Variants in LARGE2 observed in about 807,000 individuals in gnomAD.
LARGE2 encodes the protein xylosyl- and glucuronyltransferase LARGE2.
In LARGE2, 63 loss-of-function variants were observed where a neutral mutation model predicts 75.3. The observed-to-expected ratio is 0.84, with a 90% CI of 0.68 to 1.03. The LOEUF (loss-of-function observed/expected upper bound fraction) is 1.03, where lower values mean the gene tolerates loss of function less well. LARGE2 is among the 50% of genes least tolerant of loss of function. The pLI is 0.00. For synonymous variants in LARGE2, 428 were observed against 420.1 expected, an observed-to-expected ratio of 1.02 and a Z score of -0.23; for missense variants, 925 against 980.6, an observed-to-expected ratio of 0.94 and a Z score of 0.76.
intron 4 of LARGE2, 31 bp from the exon 5 acceptor site, chr11:45,924,475 C>T (rs1195285304): frequency 5.6e-6 from 9 of 1,602,432 alleles, no homozygotes; most frequent in Non-Finnish European, 6.8e-6. Context: ...CCCCTCTCTG[C>T]CATCTCATCT....
In LARGE2 at chr11:45,928,959, G is replaced by T; in HGVS notation, c.*114G>T. 2 of 1,389,650 alleles carry T rather than the reference G, an allele frequency of 1.4e-6. No individual in the cohort carries two copies. The allele number at this position is 1,389,650 out of a possible 1,614,324, so 86.1% of individuals were successfully genotyped here. On this transcript the variant is annotated 3_prime_UTR_variant, in exon 14 of 14. Coordinates refer to ENST00000401752, the MANE Select transcript of LARGE2 (RefSeq NM_001300721.2). ...GGTCTCTGGGAAGGGCTGGGGCAGA[G>T]CATCTGTGGGGTGGGGTCTTCCCCT...
Position 45,924,895 on chromosome 11 carries a change from G to C in LARGE2, c.769+6G>C. On this transcript the variant is annotated splice_donor_region_variant and intron_variant, in intron 6 of 13. Coordinates refer to ENST00000401752, the MANE Select transcript of LARGE2 (RefSeq NM_001300721.2). The stretch of plus-strand genomic sequence containing the variant: ...GGGCCGGGGATTTAACACAGGTGGG[G>C]ACAGTGGTGAGGGGAGGCAGGCGGG... 1 of 1,453,410 alleles carries C rather than the reference G, an allele frequency of 6.9e-7. No individual in the cohort carries two copies. Among genetic ancestry groups the C allele is most frequent in the South Asian group, 1.5e-5 (1 of 67,962 alleles). The allele number at this position is 1,453,410 out of a possible 1,614,324, so 90.0% of individuals were successfully genotyped here.
intron 2 of LARGE2, 22 bp from the exon 3 acceptor site, chr11:45,923,451 C>A: frequency 6.2e-7 from 1 of 1,611,264 alleles, no homozygotes; most frequent in Non-Finnish European, 8.5e-7. Context: ...GGGCTGCTGC[C>A]GACCTGGGCG....
intron 6 of LARGE2, among the ~76,000 whole-genome samples, chr11:45,925,234 G>A (rs923057278): frequency 1.3e-5 from 2 of 152,164 alleles, no homozygotes; most frequent in Non-Finnish European, 2.9e-5. Context: ...AGTAGTCTAC[G>A]AGCAAGCTGG....
rs2087327266 is a variant in LARGE2 at position 45,928,275 on chromosome 11, C to G, written c.1853C>G (p.Pro618Arg). Residue 618 changes from proline to arginine, a missense_variant, in exon 13 of 14, where the codon CCC (proline) becomes CGC (arginine). Around this residue, in one of 3 missense-constraint regions of LARGE2, gnomAD observed 469 missense variants for 503.8 expected, o/e 0.93. Transcript: ENST00000401752. ...GTGCAATGGGCGGCCAACTATGAAC[C>G]CTACGTGGTGGTGCCACGAGACTGT... ...YRVQWAANYE[P>R]YVVVPRDCPR... The G allele has an allele frequency of 1.2e-6, 2 of 1,614,012 alleles. No homozygotes were observed. Among genetic ancestry groups the G allele is most frequent in the African/African-American group, 2.7e-5 (2 of 74,950 alleles).
At chr11:45,925,979 C>T in intron 6 of LARGE2, 60 bp from the exon 7 acceptor site, 1 of 1,428,906 alleles carries the variant, frequency 7.0e-7, no homozygotes. Flanking sequence ...CTTCATGACC[C>T]CCATGTCCCC....
At position 45,926,882 on chromosome 11, in the gene LARGE2, A is replaced by C; in HGVS notation, c.1325+11A>C. 6.2e-7 allele frequency: 1 copy of C among 1,605,016 alleles called. No homozygotes were observed. The highest frequency in any genetic ancestry group is 8.5e-7 in the Non-Finnish European group (1 of 1,176,636). On this transcript the variant is annotated intron_variant, in intron 10 of 13. Transcript: ENST00000401752. Reference sequence around the variant, plus strand: ...GCTGTCCATGGACCGGTGAGGGTGCAGAGGGCAGCCCAGGGGGTATGGCAT... The same window carrying C: ...GCTGTCCATGGACCGGTGAGGGTGCCGAGGGCAGCCCAGGGGGTATGGCAT...
upstream of LARGE2, chr11:45,922,571 G>A (rs1421092104): frequency 9.5e-6 from 2 of 210,954 alleles, no homozygotes; most frequent in Non-Finnish European, 1.9e-5. Context: ...GCGGGGCCAG[G>A]ACCCCGGGGG....
At chr11:45,925,992 G>T in intron 6 of LARGE2, 47 bp from the exon 7 acceptor site, 1 of 1,505,390 alleles carries the variant, frequency 6.6e-7, no homozygotes, top group Non-Finnish European at 9.0e-7. Context: ...ATGTCCCCCA[G>T]GAGCTGGTCG....
In LARGE2 at chr11:45,923,918, A is replaced by G. The variant is rs371296451; in HGVS notation, c.369-236A>G. Among the ~76,000 whole-genome samples the G allele has an allele frequency of 2.4e-3, 325 of 138,214 alleles. 1 individual carries two copies. The highest frequency in any genetic ancestry group is 0.02 in the South Asian group (85 of 4,168). The allele number at this position is 138,214 out of a possible 152,430, so 90.7% of individuals were successfully genotyped here. On this transcript the variant is annotated intron_variant, in intron 3 of 13. Transcript: ENST00000401752. The stretch of plus-strand genomic sequence containing the variant: ...GGAGAATGGCGTGAACCCGGGAGGC[A>G]GAGCTTGCAGTGAGCCGAGATCCCG...
Position 45,927,297 on chromosome 11 carries a change from A to C in LARGE2, c.1326-18A>C. On this transcript the variant is annotated intron_variant, in intron 10 of 13. Coordinates refer to ENST00000401752, the MANE Select transcript of LARGE2 (RefSeq NM_001300721.2). ...GTGCAAGAGGGGCAGAGCTGTGCTG[A>C]CCTCCCTCTCCCCATAGGCTGCAGA... 3 of 1,607,018 alleles carry C rather than the reference A, an allele frequency of 1.9e-6. No individual in the cohort carries two copies. The highest frequency in any genetic ancestry group is 2.5e-6 in the Non-Finnish European group (3 of 1,177,458).
At chr11:45,928,115 T>C (rs1210392643) in intron 12 of LARGE2, 46 bp downstream of exon 12, 27 of 1,612,620 alleles carry the variant, frequency 1.7e-5, no homozygotes, top group Non-Finnish European at 2.3e-5. Flanking sequence ...TTGCCCACAC[T>C]GGCCCCCACT....
rs2087174501 is a variant in LARGE2, at chr11:45,926,828, C to CCG, written c.1282_1283insCG (p.Arg428ProfsTer31). Reference sequence around the variant, plus strand: ...CCTGCCCCATGAACCGCCACCCCCCCGGCCTCACGATGTCACCCTTGTGGC... The same window carrying CCG: ...CCTGCCCCATGAACCGCCACCCCCCCCGGGCCTCACGATGTCACCCTTGTGGC... On this transcript the variant is annotated frameshift_variant, in exon 10 of 14. Transcript: ENST00000401752. LOFTEE classifies it high-confidence loss of function. 1.2e-6 allele frequency: 2 copies of CCG among 1,613,078 alleles called. No homozygotes were observed. The highest frequency in any genetic ancestry group is 1.3e-5 in the African/African-American group (1 of 74,918).
intron 3 of LARGE2, among the ~76,000 whole-genome samples, chr11:45,923,816 C>A (rs1283010363): frequency 6.6e-6 from 1 of 151,410 alleles, no homozygotes; most frequent in Non-Finnish European, 1.5e-5. Context: ...GAAACCCCGT[C>A]TCTACTAAAA....
rs900725208 is a variant in LARGE2, at chr11:45,923,165, G to A, written c.283G>A (p.Glu95Lys). 27 of 1,333,300 alleles carry A rather than the reference G, an allele frequency of 2.0e-5. No individual in the cohort carries two copies. The African/African-American group carries it at 4.0e-4, about 20-fold the overall frequency. 82.6% of individuals were successfully genotyped at this position (1,333,300 alleles called of 1,614,324 possible). Reference sequence around the variant, plus strand: ...GCAGCCGCCGCCGCCGCCCAAGTGCGAGGTAGGTGCGCGCGGCCCTGGCGG... The same window carrying A: ...GCAGCCGCCGCCGCCGCCCAAGTGCAAGGTAGGTGCGCGCGGCCCTGGCGG... ...GPQPPPPPKC[E>K]LLHVAIVCAG... Residue 95 changes from glutamate (E) to lysine (K), a missense_variant and splice_region_variant, in exon 2 of 14, where the codon GAG becomes AAG. Around this residue, in one of 3 missense-constraint regions of LARGE2, gnomAD observed 453 missense variants for 460.2 expected, o/e 0.98. Coordinates refer to ENST00000401752, the MANE Select transcript of LARGE2 (RefSeq NM_001300721.2).
chr11:45,924,383 A>G, intron 4 of LARGE2, 106 bp downstream of exon 4: 1 of 1,563,652 alleles, frequency 6.4e-7, no homozygotes. Flanking sequence ...CCCTCCACCT[A>G]CTGAAGCGCA....
At position 45,926,329 on chromosome 11, in the gene LARGE2, T is replaced by C; in HGVS notation, c.990T>C (p.Ser330=). 2 of 1,614,170 alleles carry C rather than the reference T, an allele frequency of 1.2e-6. No individual in the cohort carries two copies. Among genetic ancestry groups the C allele is most frequent in the Non-Finnish European group, 8.5e-7 (1 of 1,180,022 alleles). The part of the protein sequence containing the change: ...SDHTLAERCY[S]EASDLKVIHW... ...ACACACTGGCCGAGCGCTGCTACTC[T>C]GAGGCGTCTGACCTCAAGGTGAGTG... The change falls in exon 8 of 14, where the codon TCT becomes TCC. Residue 330 remains serine, a synonymous_variant. Coordinates refer to ENST00000401752, the MANE Select transcript of LARGE2 (RefSeq NM_001300721.2).
rs763585348 is a variant in LARGE2, at chr11:45,924,894, G to A, written c.769+5G>A. 3.4e-6 allele frequency: 5 copies of A among 1,453,592 alleles called. No individual in the cohort carries two copies. Among genetic ancestry groups the A allele is most frequent in the Non-Finnish European group, 4.5e-6 (5 of 1,100,790 alleles). The allele number at this position is 1,453,592 out of a possible 1,614,324, so 90.0% of individuals were successfully genotyped here. A position where few individuals can be genotyped will look rare whatever the true frequency, so the allele number is the denominator to read the frequency against. On this transcript the variant is annotated splice_donor_5th_base_variant and intron_variant, in intron 6 of 13. Transcript: ENST00000401752. ...TGGGCCGGGGATTTAACACAGGTGGGGACAGTGGTGAGGGGAGGCAGGCGG... is the reference window on the plus strand; with the variant it reads ...TGGGCCGGGGATTTAACACAGGTGGAGACAGTGGTGAGGGGAGGCAGGCGG...
rs751241663 is a variant in LARGE2 at position 45,926,462 on chromosome 11, A to G, written c.1029A>G (p.Pro343=). The G allele has an allele frequency of 1.9e-6, 3 of 1,613,998 alleles. No homozygotes were observed. Among genetic ancestry groups the G allele is most frequent in the African/African-American group, 2.7e-5 (2 of 74,928 alleles). ...SDLKVIHWNS[P]KKLRVKNKHV... is the part of the protein sequence containing the mutation. ...CCCAGGTGATCCACTGGAACTCACC[A>G]AAGAAGCTTCGGGTGAAGAACAAGC... The change falls in exon 9 of 14, where the codon CCA becomes CCG. Residue 343 remains proline (P), a synonymous_variant. Coordinates refer to ENST00000401752, the MANE Select transcript of LARGE2 (RefSeq NM_001300721.2).
Sources: allele counts gnomAD v4.1 joint callset (sites outside exome capture counted in the v4.1 genomes callset), GRCh38; gene constraint gnomAD v4.1.1; regional missense constraint gnomAD v4.1.1; transcripts MANE v1.5; gene names NCBI Gene and HGNC (gene_info 2026-07-23, HGNC 2026-07-21).